Variants in AFAP1L2 observed in about 807,000 individuals in gnomAD.
The protein encoded by AFAP1L2 is actin filament associated protein 1 like 2.
AFAP1L2 carries 46 observed loss-of-function variants against 99.3 expected under a neutral mutation model. That is an observed-to-expected ratio of 0.46 (90% CI 0.37 to 0.59). AFAP1L2 has a LOEUF of 0.59. Among genes scored for constraint, AFAP1L2 ranks in the 20% least tolerant of loss-of-function variants. The pLI is 0.00. For synonymous variants in AFAP1L2, 397 were observed against 419.1 expected (o/e 0.95, Z 0.64); for missense variants, 959 against 1,034.9 (o/e 0.93, Z 1.01).
At chr10:114,355,979 G>A (rs4460735) in intron 1 of AFAP1L2, among the ~76,000 whole-genome samples, 144,396 of 152,204 alleles carry the variant, frequency 0.95, 68,982 homozygotes, top group East Asian at 1. Flanking sequence ...TCTCAAAAAA[G>A]ATTGTTTCAG....
chr10:114,366,245 T>C (rs1467687724), intron 1 of AFAP1L2, among the ~76,000 whole-genome samples: 2 of 152,160 alleles, frequency 1.3e-5, no homozygotes, highest in African/African-American at 2.4e-5. Context: ...GCGAAATACA[T>C]GAAATACGTA....
the AFAP1L2 span, chr10:114,288,804 A>G: frequency 1.7e-3 from 1,430 of 840,880 alleles, 13 homozygotes; most frequent in African/African-American, 0.022. Flanking sequence ...AAAGGAAGAC[A>G]TAGAGGGTGT....
intron 1 of AFAP1L2, among the ~76,000 whole-genome samples, chr10:114,344,941 A>G (rs2049298409): frequency 6.6e-6 from 1 of 152,050 alleles, no homozygotes; most frequent in Non-Finnish European, 1.5e-5. Context: ...TACTAAAAAT[A>G]CAAAAACTAG....
At chr10:114,347,740 G>C (rs2049816247) in intron 1 of AFAP1L2, among the ~76,000 whole-genome samples, 1 of 152,100 alleles carries the variant, frequency 6.6e-6, no homozygotes, top group Non-Finnish European at 1.5e-5. Context: ...TGAGCTCCTG[G>C]CCTCAGGGGA....
chr10:114,315,258 G>T (rs1013527597), intron 6 of AFAP1L2, among the ~76,000 whole-genome samples: 2 of 146,574 alleles, frequency 1.4e-5, no homozygotes, highest in African/African-American at 4.9e-5. Flanking sequence ...AGGACCAGGG[G>T]ACAGAAAGAT....
At chr10:114,365,948 C>G (rs192037444) in intron 1 of AFAP1L2, among the ~76,000 whole-genome samples, 5 of 151,910 alleles carry the variant, frequency 3.3e-5, no homozygotes, top group Admixed American at 1.3e-4. Flanking sequence ...ATTGCCCAGG[C>G]TAGTCTCAAA....
chr10:114,341,040 A>T (rs918053253), intron 1 of AFAP1L2, among the ~76,000 whole-genome samples: 4 of 152,174 alleles, frequency 2.6e-5, no homozygotes, highest in African/African-American at 9.7e-5. Flanking sequence ...TCCACTGCAA[A>T]CGCCTGCCCT....
intron 1 of AFAP1L2, among the ~76,000 whole-genome samples, chr10:114,345,926 C>T (rs572691556): frequency 7.0e-5 from 10 of 143,000 alleles, no homozygotes; most frequent in Admixed American, 4.1e-4. Flanking sequence ...GGTGCCTGCC[C>T]GATGTAGGCA....
intron 1 of AFAP1L2, chr10:114,363,305 C>T (rs2052713425): frequency 7.1e-6 from 3 of 422,106 alleles, no homozygotes; most frequent in Admixed American, 6.4e-5. Flanking sequence ...ACGACACACG[C>T]TCTGAGGCAG....
the AFAP1L2 span, chr10:114,286,233 A>G: frequency 6.2e-7 from 1 of 1,613,226 alleles, no homozygotes; most frequent in East Asian, 2.2e-5. Context: ...CAGGCGGCAG[A>G]GCGTGGCTTC....
At chr10:114,284,333 A>C in the AFAP1L2 span, among the ~76,000 whole-genome samples, 2 of 152,172 alleles carry the variant, frequency 1.3e-5, no homozygotes, top group African/African-American at 4.8e-5. Flanking sequence ...CCCACAGAAC[A>C]AGTTCAGTTC....
At chr10:114,384,612 T>C (rs1483384422) in intron 1 of AFAP1L2, among the ~76,000 whole-genome samples, 1 of 152,254 alleles carries the variant, frequency 6.6e-6, no homozygotes, top group African/African-American at 2.4e-5. Context: ...AGTACTCGCC[T>C]TCTTCTGCCA....
At chr10:114,396,068 G>A (rs993422212) in intron 1 of AFAP1L2, among the ~76,000 whole-genome samples, 3 of 152,270 alleles carry the variant, frequency 2.0e-5, no homozygotes, top group South Asian at 2.1e-4. Flanking sequence ...TGCCTTTGTG[G>A]GTGACTAGTG....
At chr10:114,303,495 C>G (rs2041592723) in intron 11 of AFAP1L2, among the ~76,000 whole-genome samples, 1 of 152,170 alleles carries the variant, frequency 6.6e-6, no homozygotes, top group Admixed American at 6.5e-5. Context: ...TTAGTAGAGA[C>G]AGGGTTTCAC....
At position 114,402,882 on chromosome 10, in the gene AFAP1L2, G is replaced by A. The variant is rs1440305917; in HGVS notation, c.16+1558C>T. On this transcript the variant is annotated intron_variant, in intron 1 of 18. Transcript: ENST00000304129. ...ACACACACCCCAGCTTTGCAAGTCA[G>A]GGAGCTGGAAGGCACCCCAGAGGCC... Among the ~76,000 whole-genome samples the A allele has an allele frequency of 3.3e-5, 5 of 152,170 alleles. No homozygotes were observed. The East Asian group carries it at 9.7e-4, about 29-fold the overall frequency.
In AFAP1L2 at chr10:114,295,059, G is replaced by T. The variant is rs1410085074; in HGVS notation, c.*983C>A. 1.0e-6 allele frequency: 1 copy of T among 984,162 alleles called. No individual in the cohort carries two copies. The highest frequency in any genetic ancestry group is 1.8e-5 in the African/African-American group (1 of 56,740). 61.0% of individuals were successfully genotyped at this position (984,162 alleles called of 1,614,324 possible). ...AATGCCATCAGAGGAAAAGACAGGG[G>T]CAGCACAAGGAACAGCACTGCCAAT... On this transcript the variant is annotated 3_prime_UTR_variant, in exon 19 of 19. Transcript: ENST00000304129.
At position 114,355,389 on chromosome 10, in the gene AFAP1L2, C is replaced by T. The variant is rs972339256; in HGVS notation, c.17-14658G>A. On this transcript the variant is annotated intron_variant, in intron 1 of 18. Transcript: ENST00000304129. ...CTGTGATTATAGGCGTGAGCCACCACGCCCGGCTCTCCTCTCTCTTTTTTC... is the reference window on the plus strand; with the variant it reads ...CTGTGATTATAGGCGTGAGCCACCATGCCCGGCTCTCCTCTCTCTTTTTTC... 9.2e-5 allele frequency among the ~76,000 whole-genome samples: 14 copies of T among 152,036 alleles called. 1 individual carries two copies. Among genetic ancestry groups the T allele is most frequent in the African/African-American group, 1.2e-4 (5 of 41,362 alleles).
downstream of AFAP1L2, chr10:114,290,234 T>C (rs540327851): frequency 1.5e-4 from 239 of 1,550,250 alleles, 3 homozygotes; most frequent in East Asian, 5.7e-3. Flanking sequence ...GTGTTCTCCA[T>C]TGTAGAAGCC....
chr10:114,281,850 A>G, the AFAP1L2 span: 1 of 695,434 alleles, frequency 1.4e-6, no homozygotes, highest in Non-Finnish European at 1.8e-6. Context: ...GGAAAGTAAC[A>G]TGTCTGTGGT....
Sources: gnomAD v4.1 joint callset for allele counts (sites outside exome capture counted in the v4.1 genomes callset) on GRCh38, gnomAD v4.1.1 for gene constraint, MANE v1.5 for transcripts, NCBI Gene and HGNC (gene_info 2026-07-23, HGNC 2026-07-21) for gene names.